HPSE2: variants seen among roughly 807,000 people sequenced by gnomAD.
HPSE2 encodes the protein inactive heparanase-2.
Under a neutral mutation model 60.5 loss-of-function variants are expected in HPSE2, and 38 were observed. The observed-to-expected ratio is 0.63, with a 90% confidence interval of 0.48 to 0.82. The LOEUF is 0.82. Ranked by LOEUF, HPSE2 falls within the 40% of genes least tolerant of loss-of-function variation. HPSE2 has a pLI of 0.00. For synonymous variants in HPSE2, 295 were observed against 293.2 expected, an observed-to-expected ratio of 1.01 and a Z score of -0.06; for missense variants, 713 against 740.4, an observed-to-expected ratio of 0.96 and a Z score of 0.43.
At chr10:98,791,056 A>G (rs1436571381) in intron 3 of HPSE2, among the ~76,000 whole-genome samples, 1 of 152,204 alleles carries the variant, frequency 6.6e-6, no homozygotes, top group African/African-American at 2.4e-5. Context: ...TCTTTTTCTG[A>G]GTTTCTATCA....
chr10:98,892,434 T>C (rs890246926), intron 3 of HPSE2, among the ~76,000 whole-genome samples: 1 of 152,192 alleles, frequency 6.6e-6, no homozygotes, highest in Non-Finnish European at 1.5e-5. Flanking sequence ...ACCTTCTACT[T>C]AACTCAGCAA....
At chr10:98,939,152 C>T (rs1253938662) in intron 3 of HPSE2, among the ~76,000 whole-genome samples, 3 of 143,610 alleles carry the variant, frequency 2.1e-5, no homozygotes, top group Non-Finnish European at 4.5e-5. Flanking sequence ...TAAAGACCAT[C>T]GAGGCTAGGA....
chr10:99,315,397 A>T, the HPSE2 span, among the ~76,000 whole-genome samples: 10 of 152,244 alleles, frequency 6.6e-5, no homozygotes, highest in African/African-American at 2.4e-4. Flanking sequence ...AGACAAAACA[A>T]AGATGTTCTT....
intron 3 of HPSE2, among the ~76,000 whole-genome samples, chr10:98,773,362 A>G (rs1400101379): frequency 1.3e-5 from 2 of 152,164 alleles, no homozygotes; most frequent in Non-Finnish European, 2.9e-5. Context: ...AGAAGGGTGG[A>G]TAGGACTTAC....
chr10:99,053,982 C>T (rs1008078766), intron 3 of HPSE2, among the ~76,000 whole-genome samples: 10 of 151,594 alleles, frequency 6.6e-5, no homozygotes, highest in African/African-American at 1.9e-4. Flanking sequence ...GCAATCTGCC[C>T]GCCTCGGCCT....
At chr10:99,018,122 A>G (rs1468068364) in intron 3 of HPSE2, among the ~76,000 whole-genome samples, 1 of 152,192 alleles carries the variant, frequency 6.6e-6, no homozygotes, top group East Asian at 1.9e-4. Flanking sequence ...TTGTTAGAAG[A>G]CTTCTATTAC....
intron 1 of HPSE2, among the ~76,000 whole-genome samples, chr10:99,235,112 A>ACG: frequency 6.6e-6 from 1 of 150,584 alleles, no homozygotes; most frequent in East Asian, 2.0e-4. Context: ...ACACACACAC[A>ACG]CACACACACA....
At chr10:98,627,880 C>T (rs954926038) in intron 7 of HPSE2, among the ~76,000 whole-genome samples, 3 of 152,152 alleles carry the variant, frequency 2.0e-5, no homozygotes, top group Non-Finnish European at 4.4e-5. Flanking sequence ...AGCCCAGATG[C>T]ATGCTAAGCA....
At chr10:98,514,826 C>A (rs11189643) in intron 9 of HPSE2, among the ~76,000 whole-genome samples, 5,854 of 148,784 alleles carry the variant, frequency 0.039, 178 homozygotes, top group African/African-American at 0.082. Flanking sequence ...TCAAGCAATT[C>A]CTCTGCCTCA....
intron 2 of HPSE2, among the ~76,000 whole-genome samples, chr10:99,198,905 T>C (rs1848487575): frequency 6.6e-6 from 1 of 152,200 alleles, no homozygotes; most frequent in Non-Finnish European, 1.5e-5. Context: ...TTAGTTTGAC[T>C]ATCTCAAATA....
chr10:99,020,215 C>G (rs538001793), intron 3 of HPSE2, among the ~76,000 whole-genome samples: 4 of 151,950 alleles, frequency 2.6e-5, no homozygotes, highest in Non-Finnish European at 5.9e-5. Flanking sequence ...TAGAACCAGA[C>G]GTAGTCTCTG....
At chr10:98,701,351 G>T (rs1948402370) in intron 5 of HPSE2, among the ~76,000 whole-genome samples, 1 of 149,462 alleles carries the variant, frequency 6.7e-6, no homozygotes, top group Non-Finnish European at 1.5e-5. Flanking sequence ...GGACATGGAT[G>T]AAATTGGAAA....
intron 3 of HPSE2, among the ~76,000 whole-genome samples, chr10:98,995,050 G>A (rs1344398780): frequency 1.3e-5 from 2 of 152,166 alleles, no homozygotes; most frequent in Non-Finnish European, 2.9e-5. Context: ...ATGTCCAGGA[G>A]CTTTTCCCAA....
At chr10:99,098,012 A>G (rs189590565) in intron 3 of HPSE2, among the ~76,000 whole-genome samples, 180 of 152,296 alleles carry the variant, frequency 1.2e-3, no homozygotes, top group African/African-American at 4.1e-3. Context: ...CTGAGGGTCT[A>G]TCTTTTCCAT....
At chr10:98,869,300 CT>C (rs1269882145) in intron 3 of HPSE2, among the ~76,000 whole-genome samples, 1 of 152,002 alleles carries the variant, frequency 6.6e-6, no homozygotes, top group Non-Finnish European at 1.5e-5. Flanking sequence ...AATTATAATA[CT>C]TTTTCTGGTG....
intron 6 of HPSE2, among the ~76,000 whole-genome samples, chr10:98,642,715 A>C (rs1206480103): frequency 6.6e-6 from 1 of 152,208 alleles, no homozygotes; most frequent in African/African-American, 2.4e-5. Context: ...CTCTTTGCTG[A>C]AGATTAAGCT....
chr10:99,191,700 A>G (rs1390694668), intron 2 of HPSE2, among the ~76,000 whole-genome samples: 1 of 152,176 alleles, frequency 6.6e-6, no homozygotes, highest in Admixed American at 6.6e-5. Context: ...TAAATATCTA[A>G]CTCATCAACG....
intron 3 of HPSE2, among the ~76,000 whole-genome samples, chr10:99,074,180 T>C (rs1842887748): frequency 1.3e-5 from 2 of 152,170 alleles, no homozygotes; most frequent in South Asian, 4.1e-4. Flanking sequence ...AAATATAATG[T>C]TAAATGTGGG....
Position 99,234,355 on chromosome 10 carries a change from G to C in HPSE2, c.290+1158C>G, listed in dbSNP as rs1183418436. On this transcript the variant is annotated intron_variant, in intron 1 of 11. Coordinates refer to ENST00000370552, the MANE Select transcript of HPSE2 (RefSeq NM_021828.5). Reference sequence around the variant, plus strand: ...GGGACAACCCCAAGAGCTGAGAGGCGGGCGCACCTCAAGAAGCAAAACTCG... The same window carrying C: ...GGGACAACCCCAAGAGCTGAGAGGCCGGCGCACCTCAAGAAGCAAAACTCG... Among the ~76,000 whole-genome samples the C allele has an allele frequency of 2.0e-5, 3 of 152,162 alleles. No individual in the cohort carries two copies. The East Asian group carries it at 5.8e-4, about 29-fold the overall frequency.
Sources: allele counts gnomAD v4.1 joint callset (sites outside exome capture counted in the v4.1 genomes callset), GRCh38; gene constraint gnomAD v4.1.1; transcripts MANE v1.5; gene names NCBI Gene and HGNC (gene_info 2026-07-23, HGNC 2026-07-21).